PCDH15: variants seen among roughly 807,000 people sequenced by gnomAD.
The protein encoded by PCDH15 is protocadherin related 15.
A neutral mutation model predicts 178.5 loss-of-function variants in PCDH15; 129 were observed. The observed-to-expected ratio is 0.72, with a 90% CI of 0.63 to 0.84. The LOEUF (loss-of-function observed/expected upper bound fraction) is 0.84. PCDH15 is among the 40% of genes least tolerant of loss of function. The probability of loss-of-function intolerance (pLI) is 0.00; values close to 1 mark genes in which losing one functional copy is unlikely to be tolerated. For synonymous variants in PCDH15, 800 were observed against 732.0 expected, an observed-to-expected ratio of 1.09 and a Z score of -1.50; for missense variants, 2,230 against 2,099.9, an observed-to-expected ratio of 1.06 and a Z score of -1.21.
intron 1 of PCDH15, among the ~76,000 whole-genome samples, chr10:54,779,010 G>T (rs1949993098): frequency 6.6e-6 from 1 of 151,916 alleles, no homozygotes; most frequent in Non-Finnish European, 1.5e-5. Flanking sequence ...TGTGTGAAGG[G>T]ATTTCTCCTT....
chr10:55,165,707 G>A (rs1317915468), intron 2 of PCDH15, among the ~76,000 whole-genome samples: 1 of 151,874 alleles, frequency 6.6e-6, no homozygotes, highest in African/African-American at 2.4e-5. Flanking sequence ...AATTAAGCAA[G>A]TATGATAAGC....
At chr10:55,154,694 T>C (rs147095007) in intron 2 of PCDH15, among the ~76,000 whole-genome samples, 1 of 152,122 alleles carries the variant, frequency 6.6e-6, no homozygotes, top group Non-Finnish European at 1.5e-5. Flanking sequence ...TAGTGGATAA[T>C]TGGGTGGAAT....
At chr10:53,989,016 T>A (rs1309994907) in intron 21 of PCDH15, among the ~76,000 whole-genome samples, 1 of 152,122 alleles carries the variant, frequency 6.6e-6, no homozygotes, top group African/African-American at 2.4e-5. Flanking sequence ...GTGCAAAAAC[T>A]AAAACTGAGA....
chr10:55,354,156 C>T (rs987502481), intron 2 of PCDH15, among the ~76,000 whole-genome samples: 2 of 151,970 alleles, frequency 1.3e-5, no homozygotes, highest in Non-Finnish European at 2.9e-5. Context: ...ATGAGACATA[C>T]AATGGTAATT....
chr10:55,573,598 A>C lies in PCDH15; in HGVS notation c.-156+54027T>G, dbSNP rs566718380. On this transcript the variant is annotated intron_variant, in intron 2 of 5. Transcript: ENST00000613346. Reference sequence around the variant, plus strand: ...GCTATATTTGAAAATAATCAAATGTAAAAGTCTATTTCAAAGCTTTTGACA... The same window carrying C: ...GCTATATTTGAAAATAATCAAATGTCAAAGTCTATTTCAAAGCTTTTGACA... Among the ~76,000 whole-genome samples the C allele has an allele frequency of 2.0e-5, 3 of 152,260 alleles. No homozygotes were observed. The South Asian group carries it at 6.2e-4, about 32-fold the overall frequency.
intron 1 of PCDH15, among the ~76,000 whole-genome samples, chr10:55,190,110 T>C (rs1362180689): frequency 6.6e-6 from 1 of 151,802 alleles, no homozygotes; most frequent in South Asian, 2.1e-4. Context: ...ATGAATCTCA[T>C]AGTCTCTATG....
chr10:54,700,979 T>A (rs2095302683), intron 1 of PCDH15, among the ~76,000 whole-genome samples: 1 of 152,108 alleles, frequency 6.6e-6, no homozygotes, highest in Non-Finnish European at 1.5e-5. Context: ...GCAAGTCACC[T>A]ACAAAGGCAA....
rs181062393 is a variant in PCDH15, at chr10:54,240,663, G to A, written c.877-3732C>T. Among the ~76,000 whole-genome samples the A allele has an allele frequency of 7.3e-3, 834 of 113,478 alleles. 10 individuals carry two copies. The highest frequency in any genetic ancestry group is 0.026 in the African/African-American group (786 of 29,664). 74.4% of individuals were successfully genotyped at this position (113,478 alleles called of 152,430 possible). A position where few individuals can be genotyped will look rare whatever the true frequency, so the allele number is the denominator to read the frequency against. ...TTTTTTTTTTTTGAGACAGAGTATC[G>A]CTCTGTTGCCCAGGCTGGAGTGCAG... is the stretch of plus-strand genomic sequence containing the variant. On this transcript the variant is annotated intron_variant, in intron 8 of 37. Transcript: ENST00000644397.
Position 54,466,101 on chromosome 10 carries a change from A to G in PCDH15, c.157+61711T>C, listed in dbSNP as rs374307265. ...GTTGAGATCCTTGTATAATCTGGAT[A>G]TTAGTCCCTTGATGAAAGAGTAGTC... is the stretch of plus-strand genomic sequence containing the variant. On this transcript the variant is annotated intron_variant, in intron 3 of 37. Coordinates refer to ENST00000644397, the MANE Select transcript of PCDH15 (RefSeq NM_001384140.1). Among the ~76,000 whole-genome samples, 12 of 152,064 alleles carry G rather than the reference A, an allele frequency of 7.9e-5. No individual in the cohort carries two copies. In the East Asian group the frequency reaches 1.4e-3, roughly 17 times the overall value.
chr10:54,421,827 T>C (rs1955436536), intron 3 of PCDH15, among the ~76,000 whole-genome samples: 1 of 80,426 alleles, frequency 1.2e-5, no homozygotes, highest in Non-Finnish European at 2.6e-5. Context: ...TATATATATA[T>C]ATATATATAT....
chr10:55,626,657 C>CA (rs1233800917), intron 2 of PCDH15, among the ~76,000 whole-genome samples: 3 of 151,946 alleles, frequency 2.0e-5, no homozygotes, highest in Non-Finnish European at 2.9e-5. Context: ...TATTGTTTGC[C>CA]AAAAATCAAG....
At chr10:54,581,716 A>G (rs932815773) in intron 2 of PCDH15, among the ~76,000 whole-genome samples, 1 of 152,120 alleles carries the variant, frequency 6.6e-6, no homozygotes, top group African/African-American at 2.4e-5. Flanking sequence ...GTATTAATAC[A>G]AAAACAGACA....
rs185232263 is a variant in PCDH15, at chr10:53,980,618, A to G, written c.2868+15031T>C. ...ATTAACTAACATCAATGTGCTTCAC[A>G]TGAGCTAAGTGTGTCATTCTCCATC... On this transcript the variant is annotated intron_variant, in intron 21 of 37. Transcript: ENST00000644397. Among the ~76,000 whole-genome samples the G allele has an allele frequency of 2.7e-4, 41 of 152,344 alleles. No individual in the cohort carries two copies. The East Asian group carries it at 7.9e-3, about 29-fold the overall frequency.
rs1230565325 is a variant in PCDH15, at chr10:55,109,671, C to T, written c.-80+56905G>A. Among the ~76,000 whole-genome samples the T allele has an allele frequency of 3.9e-5, 6 of 152,176 alleles. No individual in the cohort carries two copies. In the South Asian group the frequency reaches 1.2e-3, roughly 32 times the overall value. On this transcript the variant is annotated intron_variant, in intron 2 of 5. Transcript: ENST00000458638. The stretch of plus-strand genomic sequence containing the variant: ...TCATTGTCTAATAAATCCAAGCCTG[C>T]CTTTTCCTTCTGCTTCCTATGTTAA...
At chr10:53,942,866 C>A (rs2086192904) in intron 23 of PCDH15, among the ~76,000 whole-genome samples, 2 of 152,056 alleles carry the variant, frequency 1.3e-5, no homozygotes, top group South Asian at 4.2e-4. Context: ...TTGTTTTAAC[C>A]CATTAAGTTC....
intron 25 of PCDH15, among the ~76,000 whole-genome samples, chr10:53,935,012 A>G (rs974799179): frequency 7.9e-5 from 12 of 152,118 alleles, no homozygotes; most frequent in African/African-American, 2.9e-4. Context: ...ATAGAAAATG[A>G]CCCAGAATTG....
At chr10:55,060,737 C>A (rs1471471203) in intron 2 of PCDH15, among the ~76,000 whole-genome samples, 2 of 151,886 alleles carry the variant, frequency 1.3e-5, no homozygotes, top group African/African-American at 4.8e-5. Flanking sequence ...TAAGAAGTTT[C>A]TCATGGACTA....
intron 2 of PCDH15, among the ~76,000 whole-genome samples, chr10:55,135,570 C>CTTTT (rs1838169397): frequency 9.6e-6 from 1 of 103,720 alleles, no homozygotes; most frequent in Non-Finnish European, 2.0e-5. Flanking sequence ...TTTTTCTTTT[C>CTTTT]TTTCTTTTTT....
At chr10:55,172,509 A>C (rs1324784748) in intron 1 of PCDH15, among the ~76,000 whole-genome samples, 1 of 152,016 alleles carries the variant, frequency 6.6e-6, no homozygotes, top group Non-Finnish European at 1.5e-5. Context: ...CAAGATGTGC[A>C]ATGAATGGCC....
Sources: allele counts gnomAD v4.1 joint callset (sites outside exome capture counted in the v4.1 genomes callset), GRCh38; gene constraint gnomAD v4.1.1; transcripts MANE v1.5; gene names NCBI Gene and HGNC (gene_info 2026-07-23, HGNC 2026-07-21).